DENND1A: variants seen among roughly 807,000 people sequenced by gnomAD.
The protein encoded by DENND1A is DENN domain containing 1A, also known as DENN domain-containing protein 1A.
A neutral mutation model predicts 113.7 loss-of-function variants in DENND1A; 51 were observed. The ratio of observed to expected loss-of-function variants is 0.45; its 90% CI spans 0.36 to 0.57. The LOEUF is 0.57. Ranked by LOEUF, DENND1A falls within the 20% of genes least tolerant of loss-of-function variation. DENND1A has a pLI of 0.00. For synonymous variants in DENND1A, 565 were observed against 570.8 expected (o/e 0.99, Z 0.14); for missense variants, 1,258 against 1,395.9 (o/e 0.90, Z 1.57).
At chr9:123,788,098 C>T (rs982359573) in intron 3 of DENND1A, among the ~76,000 whole-genome samples, 1 of 152,112 alleles carries the variant, frequency 6.6e-6, no homozygotes, top group Non-Finnish European at 1.5e-5. Flanking sequence ...TTTTAGCACA[C>T]TCAACTCTAA....
At chr9:123,796,385 T>C (rs1443126523) in intron 2 of DENND1A, among the ~76,000 whole-genome samples, 4 of 152,196 alleles carry the variant, frequency 2.6e-5, no homozygotes, top group Admixed American at 2.6e-4. Context: ...AGCTATGTCT[T>C]CACAGCAGGA....
chr9:123,806,764 C>T (rs1014033966), intron 2 of DENND1A, among the ~76,000 whole-genome samples: 2 of 152,100 alleles, frequency 1.3e-5, no homozygotes, highest in African/African-American at 4.8e-5. Flanking sequence ...ACTGTATCCC[C>T]AGCGCCTGGA....
At chr9:123,872,183 G>A (rs1457554551) in intron 2 of DENND1A, among the ~76,000 whole-genome samples, 1 of 151,944 alleles carries the variant, frequency 6.6e-6, no homozygotes, top group Non-Finnish European at 1.5e-5. Flanking sequence ...AAAAAAATAA[G>A]CATACAAAAA....
intron 2 of DENND1A, among the ~76,000 whole-genome samples, chr9:123,859,034 G>A (rs1199045388): frequency 1.3e-5 from 2 of 152,142 alleles, no homozygotes; most frequent in Non-Finnish European, 2.9e-5. Context: ...TAAGGTTCTT[G>A]AGAACCAATC....
chr9:123,700,839 G>A (rs1201601908), intron 5 of DENND1A, among the ~76,000 whole-genome samples: 1 of 152,162 alleles, frequency 6.6e-6, no homozygotes, highest in East Asian at 1.9e-4. Flanking sequence ...GAATCCATCA[G>A]CCTGGTATAT....
intron 2 of DENND1A, among the ~76,000 whole-genome samples, chr9:123,823,609 T>C (rs986335574): frequency 6.6e-5 from 10 of 152,198 alleles, no homozygotes; most frequent in African/African-American, 2.4e-4. Flanking sequence ...AAAGATCCCA[T>C]GTGTCTTCCA....
chr9:123,394,755 G>A (rs752777097), intron 21 of DENND1A, among the ~76,000 whole-genome samples: 1 of 152,246 alleles, frequency 6.6e-6, no homozygotes, highest in Non-Finnish European at 1.5e-5. Flanking sequence ...TGCGGTGGAG[G>A]GAAGATGGGG....
At chr9:123,491,241 C>A (rs2051346241) in intron 13 of DENND1A, among the ~76,000 whole-genome samples, 3 of 152,166 alleles carry the variant, frequency 2.0e-5, no homozygotes, top group Non-Finnish European at 1.5e-5. Context: ...AGGCCAAGGC[C>A]AGACAGCCTG....
At chr9:123,667,204 G>A in intron 7 of DENND1A, 125 bp from the exon 8 acceptor site, 1 of 883,874 alleles carries the variant, frequency 1.1e-6, no homozygotes, top group Non-Finnish European at 1.7e-6. Context: ...TCACTCAGAA[G>A]AAACACCCAT....
intron 11 of DENND1A, among the ~76,000 whole-genome samples, chr9:123,602,512 G>A (rs1054567411): frequency 1.3e-5 from 2 of 152,206 alleles, no homozygotes; most frequent in African/African-American, 4.8e-5. Context: ...CGCAGAGAGT[G>A]TCTGAGGAAC....
At chr9:123,849,456 A>G (rs897457185) in intron 2 of DENND1A, among the ~76,000 whole-genome samples, 18 of 152,186 alleles carry the variant, frequency 1.2e-4, no homozygotes, top group African/African-American at 4.1e-4. Flanking sequence ...ACAAACCACA[A>G]TTACTTTTGC....
chr9:123,802,094 C>T (rs1834768917), intron 2 of DENND1A, among the ~76,000 whole-genome samples: 2 of 152,190 alleles, frequency 1.3e-5, no homozygotes, highest in South Asian at 4.1e-4. Context: ...GTCTATGGCT[C>T]CCCAACTCAC....
At chr9:123,860,230 T>A (rs1844864287) in intron 2 of DENND1A, among the ~76,000 whole-genome samples, 1 of 152,200 alleles carries the variant, frequency 6.6e-6, no homozygotes. Context: ...TTAGACAACC[T>A]AGACAAATAT....
intron 13 of DENND1A, among the ~76,000 whole-genome samples, chr9:123,491,691 G>C (rs979440438): frequency 2.0e-5 from 3 of 152,178 alleles, no homozygotes; most frequent in African/African-American, 7.2e-5. Context: ...GGACTTCAAG[G>C]CTAGAGGTCC....
intron 19 of DENND1A, among the ~76,000 whole-genome samples, chr9:123,416,170 T>A (rs2131640826): frequency 6.6e-6 from 1 of 152,186 alleles, no homozygotes; most frequent in African/African-American, 2.4e-5. Flanking sequence ...CCTGGAGTGG[T>A]TCCTCTCCCA....
At chr9:123,892,769 G>A (rs1850112300) in intron 1 of DENND1A, among the ~76,000 whole-genome samples, 1 of 152,302 alleles carries the variant, frequency 6.6e-6, no homozygotes, top group South Asian at 2.1e-4. Context: ...ATCACTTGAG[G>A]TCAGGAGTTG....
chr9:123,641,450 A>C (rs918170593), intron 9 of DENND1A, among the ~76,000 whole-genome samples: 4 of 151,768 alleles, frequency 2.6e-5, no homozygotes, highest in Non-Finnish European at 5.9e-5. Flanking sequence ...AAAAAAAAAA[A>C]AAAAAGAAAC....
At chr9:123,837,576 G>A (rs993940640) in intron 2 of DENND1A, among the ~76,000 whole-genome samples, 7 of 152,140 alleles carry the variant, frequency 4.6e-5, no homozygotes, top group African/African-American at 1.7e-4. Context: ...TACATATGTA[G>A]TTTTTCTGAA....
At chr9:123,558,606 A>G (rs1274085488) in intron 12 of DENND1A, among the ~76,000 whole-genome samples, 1 of 152,220 alleles carries the variant, frequency 6.6e-6, no homozygotes, top group South Asian at 2.1e-4. Context: ...AGGTCCACGT[A>G]CTACAAACAA....
Sources: gnomAD v4.1 joint callset for allele counts (sites outside exome capture counted in the v4.1 genomes callset) on GRCh38, gnomAD v4.1.1 for gene constraint, MANE v1.5 for transcripts, NCBI Gene and HGNC (gene_info 2026-07-23, HGNC 2026-07-21) for gene names.